DIS3: variants seen among roughly 807,000 people sequenced by gnomAD.
DIS3 encodes the protein DIS3 exosome endoribonuclease and 3'-5' exoribonuclease, also known as exosome complex exonuclease RRP44.
In DIS3, 103 loss-of-function variants were observed where a neutral mutation model predicts 113.0. The ratio of observed to expected loss-of-function variants is 0.91; its 90% CI spans 0.78 to 1.07. The LOEUF (loss-of-function observed/expected upper bound fraction) is 1.07, where lower values mean the gene tolerates loss of function less well. Among genes scored for constraint, DIS3 ranks in the 50% least tolerant of loss-of-function variants. The pLI is 0.00. For synonymous variants in DIS3, 402 were observed against 394.3 expected, an observed-to-expected ratio of 1.02 and a Z score of -0.23; for missense variants, 1,121 against 1,167.1, an observed-to-expected ratio of 0.96 and a Z score of 0.58.
At chr13:72,761,316 G>A (rs1566238450) in intron 19 of DIS3, 47 bp downstream of exon 19, 7 of 1,559,764 alleles carry the variant, frequency 4.5e-6, no homozygotes, top group Non-Finnish European at 6.0e-6. Context: ...AACTCTCAAA[G>A]AAAAAGTGCC....
At chr13:72,765,702 TCTAA>T (rs1193112807) in intron 15 of DIS3, among the ~76,000 whole-genome samples, 3 of 152,272 alleles carry the variant, frequency 2.0e-5, no homozygotes, top group East Asian at 1.9e-4. Context: ...TTTATCTTAC[TCTAA>T]CTATTACTAG....
At position 72,758,643 on chromosome 13, in the gene DIS3, G is replaced by T; in HGVS notation, c.*1152C>A. ...CCAACTGACACAAGTTTCTGCCTCA[G>T]TGTATGGAGGTTTTCCTCAGTAATA... On this transcript the variant is annotated 3_prime_UTR_variant, in exon 21 of 21. Coordinates refer to ENST00000377767, the MANE Select transcript of DIS3 (RefSeq NM_014953.5). 1 of 219,388 alleles carries T rather than the reference G, an allele frequency of 4.6e-6. No homozygotes were observed. Among genetic ancestry groups the T allele is most frequent in the Non-Finnish European group, 9.2e-6 (1 of 109,284 alleles). 13.6% of individuals were successfully genotyped at this position (219,388 alleles called of 1,614,324 possible).
Position 72,756,035 on chromosome 13 carries a change from T to A in DIS3, c.*3760A>T, listed in dbSNP as rs2138128076. The stretch of plus-strand genomic sequence containing the variant: ...GAAGTAACACTGGGGCAGATATGTA[T>A]GTTATATACAACTATTTTTTTAAAA... On this transcript the variant is annotated 3_prime_UTR_variant, in exon 21 of 21. Coordinates refer to ENST00000377767, the MANE Select transcript of DIS3 (RefSeq NM_014953.5). 2.5e-6 allele frequency: 1 copy of A among 398,496 alleles called. No homozygotes were observed. Among genetic ancestry groups the A allele is most frequent in the East Asian group, 3.6e-5 (1 of 28,072 alleles). 24.7% of individuals were successfully genotyped at this position (398,496 alleles called of 1,614,324 possible). A position where few individuals can be genotyped will look rare whatever the true frequency, so the allele number is the denominator to read the frequency against.
Position 72,774,057 on chromosome 13 carries a change from A to G in DIS3, c.990T>C (p.Leu330=). The G allele has an allele frequency of 1.3e-6, 2 of 1,576,328 alleles. No individual in the cohort carries two copies. The highest frequency in any genetic ancestry group is 1.7e-6 in the Non-Finnish European group (2 of 1,164,944). The change falls in exon 7 of 21, where the codon CTT becomes CTC. Residue 330 remains leucine, a splice_region_variant and synonymous_variant. Transcript: ENST00000377767. The part of the protein sequence containing the change: ...VEKEEETERM[L]KTAVSEKMLK... ...ACATTTTCTCGCTTACAGCAGTCTT[A>G]AGCTGAGATATAAAAATTAAAATGT...
chr13:72,775,934 T>A lies in DIS3; in HGVS notation c.813A>T (p.Glu271Asp), dbSNP rs761110417. ...ATVWIHGDNE[E>D]NKEIILQGLK... ...TTATTTATATACTTGCCTCTTTATT[T>A]TCTTCATTGTCGCCATGAATCCATA... The change falls in exon 5 of 21, where the codon GAA (glutamate) becomes GAT (aspartate). Residue 271 changes from glutamate to aspartate, a missense_variant. Physicochemically the swap from Glu to Asp is conservative, Grantham distance 45 (BLOSUM62 2). Coordinates refer to ENST00000377767, the MANE Select transcript of DIS3 (RefSeq NM_014953.5). 1.2e-6 allele frequency: 2 copies of A among 1,602,086 alleles called. No individual in the cohort carries two copies. The highest frequency in any genetic ancestry group is 1.7e-6 in the Non-Finnish European group (2 of 1,177,088).
intron 19 of DIS3, among the ~76,000 whole-genome samples, chr13:72,760,907 CTAA>C (rs1452111733): frequency 1.3e-5 from 2 of 152,112 alleles, no homozygotes; most frequent in South Asian, 2.1e-4. Flanking sequence ...AATCACCCCA[CTAA>C]TAAATAGGAA....
At position 72,759,640 on chromosome 13, in the gene DIS3, T is replaced by A. The variant is rs915864960; in HGVS notation, c.*155A>T. On this transcript the variant is annotated 3_prime_UTR_variant, in exon 21 of 21. Transcript: ENST00000377767. ...AAGTATAGTAGTATGATGGGTCAGA[T>A]ACAGTCAACTGTTCAATAAAAATGC... 4 of 601,376 alleles carry A rather than the reference T, an allele frequency of 6.7e-6. No individual in the cohort carries two copies. Among genetic ancestry groups the A allele is most frequent in the African/African-American group, 5.6e-5 (3 of 53,644 alleles). 37.3% of individuals were successfully genotyped at this position (601,376 alleles called of 1,614,324 possible).
chr13:72,758,299 T>C lies in DIS3; in HGVS notation c.*1496A>G, dbSNP rs886587563. The stretch of plus-strand genomic sequence containing the variant: ...CTAGGTTTGTGTAACTACATCATGA[T>C]TTTCACACAATGATGAAATTGCCAA... On this transcript the variant is annotated 3_prime_UTR_variant, in exon 21 of 21. Transcript: ENST00000377767. 5.5e-6 allele frequency: 1 copy of C among 181,886 alleles called. No homozygotes were observed. The highest frequency in any genetic ancestry group is 6.3e-5 in the Admixed American group (1 of 15,956). 11.3% of individuals were successfully genotyped at this position (181,886 alleles called of 1,614,324 possible). A position where few individuals can be genotyped will look rare whatever the true frequency, so the allele number is the denominator to read the frequency against.
Position 72,758,840 on chromosome 13 carries a change from A to C in DIS3, c.*955T>G, listed in dbSNP as rs1183598975. 1.1e-5 allele frequency: 2 copies of C among 190,264 alleles called. No individual in the cohort carries two copies. Among genetic ancestry groups the C allele is most frequent in the African/African-American group, 4.7e-5 (2 of 42,964 alleles). The allele number at this position is 190,264 out of a possible 1,614,324, so 11.8% of individuals were successfully genotyped here. A position where few individuals can be genotyped will look rare whatever the true frequency, so the allele number is the denominator to read the frequency against. On this transcript the variant is annotated 3_prime_UTR_variant, in exon 21 of 21. Coordinates refer to ENST00000377767, the MANE Select transcript of DIS3 (RefSeq NM_014953.5). ...ACGTAAGTGCTTTAGAAATTGAATA[A>C]GCCAAGTAAAATGTTTTAAGGCAAC...
At chr13:72,781,497 C>G in intron 1 of DIS3, 108 bp downstream of exon 1, 2 of 1,431,988 alleles carry the variant, frequency 1.4e-6, no homozygotes, top group Non-Finnish European at 9.3e-7. Context: ...TTCCCTTTCG[C>G]TAGGTATGTG....
In DIS3 at chr13:72,772,714, C is replaced by T; in HGVS notation, c.1365G>A (p.Met455Ile). The change falls in exon 9 of 21, where the codon ATG (methionine) becomes ATA (isoleucine). Residue 455 changes from methionine (M) to isoleucine (I), a missense_variant. Transcript: ENST00000377767. ...TTACCTTTTCAGTAATGCTCCAGGG[C>T]ATCTTTGGCAGAAAACTAAGAACAG... The part of the protein sequence containing the change: ...SQAVLSFLPK[M>I]PWSITEKDMK... 2 of 1,611,112 alleles carry T rather than the reference C, an allele frequency of 1.2e-6. No individual in the cohort carries two copies. Among genetic ancestry groups the T allele is most frequent in the Non-Finnish European group, 1.7e-6 (2 of 1,179,274 alleles).
chr13:72,761,600 G>T, intron 18 of DIS3, 46 bp downstream of exon 18: 1 of 1,537,882 alleles, frequency 6.5e-7, no homozygotes, highest in South Asian at 1.3e-5. Context: ...AATTAAAAAT[G>T]AACAAAACTT....
In DIS3 at chr13:72,761,440, G is replaced by C; in HGVS notation, c.2593C>G (p.Pro865Ala). The change falls in exon 19 of 21, where the codon CCA becomes GCA. Residue 865 changes from proline to alanine, a missense_variant. Coordinates refer to ENST00000377767, the MANE Select transcript of DIS3 (RefSeq NM_014953.5). Reference sequence around the variant, plus strand: ...ACTGTCCCTTCTAAACCATACTTTGGAATTAATACCACAATGGCATTCTTT... The same window carrying C: ...ACTGTCCCTTCTAAACCATACTTTGCAATTAATACCACAATGGCATTCTTT... ...VRKNAIVVLIPKYGLEGTVFF... is the reference protein window; with the variant it reads ...VRKNAIVVLIAKYGLEGTVFF... 1 of 1,611,522 alleles carries C rather than the reference G, an allele frequency of 6.2e-7. No homozygotes were observed. The highest frequency in any genetic ancestry group is 1.1e-5 in the South Asian group (1 of 90,452).
Position 72,771,124 on chromosome 13 carries a change from A to G in DIS3, c.1627T>C (p.Leu543=), listed in dbSNP as rs760098151. 1.2e-5 allele frequency: 20 copies of G among 1,613,720 alleles called. No homozygotes were observed. The highest frequency in any genetic ancestry group is 1.7e-5 in the Non-Finnish European group (20 of 1,179,758). ...CEKRIDMVPE[L]LSSNLCSLKC... ...AAGGAACACAAGTTAGAGCTAAGCA[A>G]CTCTGGAACCATGTCAATCCTCTGC... The change falls in exon 12 of 21, where the codon TTG becomes CTG. Residue 543 remains leucine (L), a synonymous_variant. Coordinates refer to ENST00000377767, the MANE Select transcript of DIS3 (RefSeq NM_014953.5).
In DIS3 at chr13:72,766,015, T is replaced by C. The variant is rs145504256; in HGVS notation, c.1927A>G (p.Ser643Gly). The change falls in exon 15 of 21, where the codon AGT becomes GGT. Residue 643 changes from serine (S) to glycine (G), a missense_variant. Around this residue, in one of 3 missense-constraint regions of DIS3, gnomAD observed 861 missense variants for 915.5 expected, o/e 0.94. Coordinates refer to ENST00000377767, the MANE Select transcript of DIS3 (RefSeq NM_014953.5). ...SSPEVRFHMD[S>G]ETHDPIDLQT... ...AGATCTATAGGATCGTGAGTTTCAC[T>C]GTCCATGTGGAATCGAACTTCAGGA... The C allele has an allele frequency of 1.7e-5, 27 of 1,612,080 alleles. No individual in the cohort carries two copies. The highest frequency in any genetic ancestry group is 2.0e-5 in the Non-Finnish European group (23 of 1,178,922).
At chr13:72,768,645 A>AATAC (rs1041622886) in intron 14 of DIS3, 140 bp downstream of exon 14, 65 of 575,312 alleles carry the variant, frequency 1.1e-4, no homozygotes, top group African/African-American at 1.1e-3. Context: ...CTCCGTTTCA[A>AATAC]ATACATACAT....
rs138338901 is a variant in DIS3, at chr13:72,777,441, A to G, written c.633T>C (p.Leu211=). 3.7e-6 allele frequency: 6 copies of G among 1,614,036 alleles called. No homozygotes were observed. In the African/African-American group the frequency reaches 8.0e-5, roughly 22 times the overall value. Residue 211 remains leucine, a synonymous_variant, in exon 4 of 21, where the codon CTT becomes CTC. Transcript: ENST00000377767. Reference sequence around the variant, plus strand: ...ATACCCCTTCTTCAGACAAACAAGCAAGACGATCTATGAGTTCGGGGTTAG... The same window carrying G: ...ATACCCCTTCTTCAGACAAACAAGCGAGACGATCTATGAGTTCGGGGTTAG... ...LTANPELIDR[L]ACLSEEGNEI...
Position 72,754,355 on chromosome 13 carries a change from G to A in DIS3, c.*5440C>T, listed in dbSNP as rs1360596554. Reference sequence around the variant, plus strand: ...GAGACAGGGTCTTACTCTGTCACCCGGGCTGGAGTGCAGTCGTAGAATCAG... The same window carrying A: ...GAGACAGGGTCTTACTCTGTCACCCAGGCTGGAGTGCAGTCGTAGAATCAG... On this transcript the variant is annotated 3_prime_UTR_variant, in exon 21 of 21. Transcript: ENST00000377767. 3 of 148,158 alleles carry A rather than the reference G, an allele frequency of 2.0e-5. No individual in the cohort carries two copies. Among genetic ancestry groups the A allele is most frequent in the African/African-American group, 5.1e-5 (2 of 39,222 alleles). The allele number at this position is 148,158 out of a possible 1,614,324, so 9.2% of individuals were successfully genotyped here.
intron 15 of DIS3, among the ~76,000 whole-genome samples, chr13:72,765,705 A>G (rs532080588): frequency 6.6e-6 from 1 of 152,158 alleles, no homozygotes; most frequent in Non-Finnish European, 1.5e-5. Context: ...ATCTTACTCT[A>G]ACTATTACTA....
Sources: allele counts gnomAD v4.1 joint callset (sites outside exome capture counted in the v4.1 genomes callset), GRCh38; gene constraint gnomAD v4.1.1; regional missense constraint gnomAD v4.1.1; transcripts MANE v1.5; gene names NCBI Gene and HGNC (gene_info 2026-07-23, HGNC 2026-07-21).